The following GPD2 variants were observed in gnomAD, a reference collection of about 807,000 sequenced individuals.
GPD2 encodes the protein glycerol-3-phosphate dehydrogenase, mitochondrial.
A neutral mutation model predicts 82.4 loss-of-function variants in GPD2; 54 were observed. The ratio of observed to expected loss-of-function variants is 0.66; its 90% CI spans 0.53 to 0.82. GPD2 has a LOEUF of 0.82. Ranked by LOEUF, GPD2 falls within the 40% of genes least tolerant of loss-of-function variation. The pLI is 0.00. For synonymous variants in GPD2, 288 were observed against 306.1 expected, an observed-to-expected ratio of 0.94 and a Z score of 0.62; for missense variants, 748 against 896.2, an observed-to-expected ratio of 0.83 and a Z score of 2.11.
At chr2:156,426,171 C>T in the GPD2 span, among the ~76,000 whole-genome samples, 1 of 152,172 alleles carries the variant, frequency 6.6e-6, no homozygotes, top group South Asian at 2.1e-4. Flanking sequence ...GATCCGCCCG[C>T]CTTGGCCTCC....
rs145473437 is a variant in GPD2 at position 156,478,777 on chromosome 2, G to A, written c.102+2570G>A. ...GGTATGCTCCATTTTTCTGCAGAGTGATGTTTAAGTATTGGCTTGTTACAG... is the reference window on the plus strand; with the variant it reads ...GGTATGCTCCATTTTTCTGCAGAGTAATGTTTAAGTATTGGCTTGTTACAG... On this transcript the variant is annotated intron_variant, in intron 2 of 16. Transcript: ENST00000438166. Among the ~76,000 whole-genome samples, 611 of 152,308 alleles carry A rather than the reference G, an allele frequency of 4.0e-3. 4 individuals carry two copies. Among genetic ancestry groups the A allele is most frequent in the African/African-American group, 0.014 (583 of 41,550 alleles).
At chr2:156,576,450 A>G (rs761840249) in intron 13 of GPD2, among the ~76,000 whole-genome samples, 2 of 124,342 alleles carry the variant, frequency 1.6e-5, no homozygotes, top group Non-Finnish European at 3.4e-5. Context: ...ATCTTTAAAT[A>G]CTTATTAAGC....
chr2:156,447,796 G>T (rs952370523), intron 1 of GPD2, among the ~76,000 whole-genome samples: 1 of 152,136 alleles, frequency 6.6e-6, no homozygotes, highest in Admixed American at 6.5e-5. Flanking sequence ...CTCTCTGCAG[G>T]TTCTTTGCCT....
Position 156,497,939 on chromosome 2 carries a change from T to C in GPD2, c.274+1724T>C, listed in dbSNP as rs569083532. Among the ~76,000 whole-genome samples the C allele has an allele frequency of 7.9e-5, 12 of 152,248 alleles. No homozygotes were observed. In the East Asian group the frequency reaches 9.6e-4, roughly 12 times the overall value. The stretch of plus-strand genomic sequence containing the variant: ...TGAGAATAGATAATTTGAATTCAGC[T>C]TTTTTCCCCTTGAAGGCCTGGGAAA... On this transcript the variant is annotated intron_variant, in intron 3 of 16. Transcript: ENST00000438166.
the GPD2 span, among the ~76,000 whole-genome samples, chr2:156,414,221 T>C: frequency 6.6e-6 from 1 of 152,220 alleles, no homozygotes; most frequent in Non-Finnish European, 1.5e-5. Flanking sequence ...TGTATTCTTA[T>C]TTCAATATTC....
chr2:156,415,325 T>C, the GPD2 span, among the ~76,000 whole-genome samples: 1 of 151,662 alleles, frequency 6.6e-6, no homozygotes, highest in African/African-American at 2.4e-5. Context: ...CTCCCGGCTA[T>C]TTTTTCGTAT....
At position 156,439,540 on chromosome 2, in the gene GPD2, C is replaced by CA. The variant is rs869250333; in HGVS notation, c.-9+3040dup. On this transcript the variant is annotated intron_variant, in intron 1 of 16. Transcript: ENST00000438166. ...AAAAAAAAAAAAAAAAAAAAAAAAA[C>CA]AAAAAAAAAAAAACAAGCCAGGCAG... 3.2e-4 allele frequency among the ~76,000 whole-genome samples: 23 copies of CA among 71,324 alleles called. 3 individuals are homozygous for CA. The highest frequency in any genetic ancestry group is 0.01 in the Middle Eastern group (1 of 98). 46.8% of individuals were successfully genotyped at this position (71,324 alleles called of 152,430 possible). A position where few individuals can be genotyped will look rare whatever the true frequency, so the allele number is the denominator to read the frequency against.
At chr2:156,502,951 T>A (rs1684644548) in intron 3 of GPD2, among the ~76,000 whole-genome samples, 1 of 152,134 alleles carries the variant, frequency 6.6e-6, no homozygotes, top group South Asian at 2.1e-4. Flanking sequence ...TCTGCCCTTA[T>A]TAGATCAGTT....
intron 6 of GPD2, among the ~76,000 whole-genome samples, chr2:156,521,653 A>G (rs960911853): frequency 1.3e-5 from 2 of 152,220 alleles, no homozygotes; most frequent in Admixed American, 6.5e-5. Context: ...AAACTTGCCA[A>G]ACATTCTTAG....
the GPD2 span, among the ~76,000 whole-genome samples, chr2:156,402,558 T>A: frequency 6.6e-6 from 1 of 152,236 alleles, no homozygotes; most frequent in African/African-American, 2.4e-5. Context: ...TGAAGTGATG[T>A]ACCTTTCCAG....
rs747841273 is a variant in GPD2, at chr2:156,550,638, A to G, written c.863A>G (p.Asn288Ser). The change falls in exon 8 of 17, where the codon AAT (asparagine) becomes AGT (serine). Residue 288 changes from asparagine to serine, a missense_variant. This residue lies in a region of GPD2 where 692 missense variants were observed against 809.7 expected (regional missense o/e 0.85). Coordinates refer to ENST00000438166, the MANE Select transcript of GPD2 (RefSeq NM_000408.5). ...GACGTGAGAGCCAAATGTGTTATCA[A>G]TGCCACGGGACCTTTCACGGACTCT... is the stretch of plus-strand genomic sequence containing the variant. ...EFDVRAKCVINATGPFTDSVR... is the reference protein window; with the variant it reads ...EFDVRAKCVISATGPFTDSVR... The G allele has an allele frequency of 4.3e-6, 7 of 1,613,948 alleles. No individual in the cohort carries two copies. The highest frequency in any genetic ancestry group is 2.2e-5 in the East Asian group (1 of 44,878).
At chr2:156,489,907 C>T (rs534170532) in intron 2 of GPD2, among the ~76,000 whole-genome samples, 3 of 142,962 alleles carry the variant, frequency 2.1e-5, no homozygotes, top group African/African-American at 7.8e-5. Context: ...CTTCACTACC[C>T]TCCTTCCTTC....
the GPD2 span, among the ~76,000 whole-genome samples, chr2:156,425,564 A>G: frequency 0.2 from 29,707 of 152,176 alleles, 3,320 homozygotes; most frequent in Non-Finnish European, 0.25. Context: ...TAATTAACTC[A>G]GGTTAAGTAT....
rs942263158 is a variant in GPD2 at position 156,571,211 on chromosome 2, T to C, written c.1686T>C (p.Asn562=). The part of the protein sequence containing the change: ...ISRRTRLAFL[N]VQAAEEALPR... Reference sequence around the variant, plus strand: ...GTCGTACTCGCCTGGCCTTTCTAAATGTCCAGGCAGCAGAGGAAGCCCTAC... The same window carrying C: ...GTCGTACTCGCCTGGCCTTTCTAAACGTCCAGGCAGCAGAGGAAGCCCTAC... Residue 562 remains asparagine (N), a synonymous_variant, in exon 13 of 17, where the codon AAT becomes AAC. Coordinates refer to ENST00000438166, the MANE Select transcript of GPD2 (RefSeq NM_000408.5). 12 of 1,609,954 alleles carry C rather than the reference T, an allele frequency of 7.5e-6. No individual in the cohort carries two copies. The highest frequency in any genetic ancestry group is 1.3e-5 in the African/African-American group (1 of 74,836).
chr2:156,460,747 C>T (rs1342450751), intron 1 of GPD2, among the ~76,000 whole-genome samples: 2 of 152,204 alleles, frequency 1.3e-5, no homozygotes, highest in African/African-American at 2.4e-5. Flanking sequence ...TTAGATGACA[C>T]TGTCTGTTCA....
chr2:156,408,968 C>G, the GPD2 span, among the ~76,000 whole-genome samples: 1 of 152,052 alleles, frequency 6.6e-6, no homozygotes, highest in African/African-American at 2.4e-5. Context: ...GACCCTAATC[C>G]AATAGGACTG....
At chr2:156,568,683 G>T in intron 9 of GPD2, 142 bp from the exon 10 acceptor site, 1 of 708,982 alleles carries the variant, frequency 1.4e-6, no homozygotes, top group Non-Finnish European at 2.5e-6. Context: ...CACAAACTTA[G>T]TTCTCATCTT....
chr2:156,568,485 T>G (rs1464258744), intron 9 of GPD2, among the ~76,000 whole-genome samples: 1 of 152,262 alleles, frequency 6.6e-6, no homozygotes, highest in African/African-American at 2.4e-5. Flanking sequence ...TGGTTTTGAT[T>G]GTTTCTGCTT....
chr2:156,522,526 C>T (rs1225379885), intron 6 of GPD2, among the ~76,000 whole-genome samples: 1 of 152,148 alleles, frequency 6.6e-6, no homozygotes, highest in Non-Finnish European at 1.5e-5. Flanking sequence ...AAATCTTTGT[C>T]CACTCTTCTC....
Sources: gnomAD v4.1 joint callset for allele counts (sites outside exome capture counted in the v4.1 genomes callset) on GRCh38, gnomAD v4.1.1 for gene constraint, gnomAD v4.1.1 regional missense constraint, MANE v1.5 for transcripts, NCBI Gene and HGNC (gene_info 2026-07-23, HGNC 2026-07-21) for gene names.